The following CRISPLD2 variants were observed in gnomAD, a reference collection of about 807,000 sequenced individuals.
The protein encoded by CRISPLD2 is cysteine rich secretory protein LCCL domain containing 2, also known as cysteine-rich secretory protein LCCL domain-containing 2.
CRISPLD2 carries 47 observed loss-of-function variants against 71.1 expected under a neutral mutation model. The ratio of observed to expected loss-of-function variants is 0.66; its 90% CI spans 0.52 to 0.84. CRISPLD2 has a LOEUF of 0.84. Ranked by LOEUF, CRISPLD2 falls within the 40% of genes least tolerant of loss-of-function variation. The pLI, the probability that CRISPLD2 is intolerant of heterozygous loss-of-function variation, is 0.00. For synonymous variants in CRISPLD2, 317 were observed against 250.1 expected (o/e 1.27, Z -2.52); for missense variants, 830 against 651.1 (o/e 1.27, Z -2.99).
chr16:84,885,255 A>G (rs1053106914), intron 13 of CRISPLD2, among the ~76,000 whole-genome samples: 3 of 146,464 alleles, frequency 2.0e-5, no homozygotes, highest in Non-Finnish European at 4.6e-5. Flanking sequence ...CGCTTACCAA[A>G]CTCGCCCCCG....
chr16:84,839,076 G>A (rs1916704362), intron 2 of CRISPLD2: 3 of 401,334 alleles, frequency 7.5e-6, no homozygotes, highest in Non-Finnish European at 1.4e-5. Flanking sequence ...TGTGGAGATG[G>A]GGGTCTTGCT....
chr16:84,870,074 C>G (rs1365823175), intron 8 of CRISPLD2, among the ~76,000 whole-genome samples: 1 of 152,204 alleles, frequency 6.6e-6, no homozygotes, highest in East Asian at 1.9e-4. Context: ...GAAGCCGGCC[C>G]ACAGTCTGGC....
chr16:84,891,257 C>T (rs2143352140), intron 14 of CRISPLD2, among the ~76,000 whole-genome samples: 1 of 152,358 alleles, frequency 6.6e-6, no homozygotes, highest in Non-Finnish European at 1.5e-5. Flanking sequence ...CCCTGGGCCC[C>T]TGGACGCTCA....
intron 9 of CRISPLD2, 137 bp downstream of exon 9, chr16:84,872,645 G>T (rs988348045): frequency 6.3e-6 from 5 of 790,126 alleles, no homozygotes; most frequent in African/African-American, 5.3e-5. Flanking sequence ...AACTGGGGCG[G>T]GTGTATATTT....
At chr16:84,900,363 C>T (rs567564174) in intron 14 of CRISPLD2, among the ~76,000 whole-genome samples, 5 of 152,246 alleles carry the variant, frequency 3.3e-5, no homozygotes, top group East Asian at 1.9e-4. Flanking sequence ...AATCTGGGGG[C>T]TCTCTTTGTT....
intron 4 of CRISPLD2, among the ~76,000 whole-genome samples, chr16:84,850,243 A>G (rs1917047436): frequency 6.6e-6 from 1 of 152,022 alleles, no homozygotes; most frequent in Admixed American, 6.6e-5. Flanking sequence ...GGTGCCTGCC[A>G]CCACGCCCGG....
At chr16:84,858,297 CT>C (rs1917294826) in intron 6 of CRISPLD2, among the ~76,000 whole-genome samples, 2 of 152,164 alleles carry the variant, frequency 1.3e-5, no homozygotes, top group South Asian at 4.1e-4. Context: ...AACTGGCAGC[CT>C]TTTGGGTCGC....
At chr16:84,874,273 T>C (rs2071500138) in intron 11 of CRISPLD2, among the ~76,000 whole-genome samples, 1 of 152,202 alleles carries the variant, frequency 6.6e-6, no homozygotes, top group South Asian at 2.1e-4. Flanking sequence ...TTTCTGTCGA[T>C]TGGTAATGGC....
rs568216329 is a variant in CRISPLD2 at position 84,880,153 on chromosome 16, A to G, written c.1230-356A>G. ...AAGTCTCTTGATGCTAATCTCCATA[A>G]TGTACCCACAGTGTGAACTAGCCAA... is the stretch of plus-strand genomic sequence containing the variant. On this transcript the variant is annotated intron_variant, in intron 12 of 14. Transcript: ENST00000262424. Among the ~76,000 whole-genome samples, 56 of 152,272 alleles carry G rather than the reference A, an allele frequency of 3.7e-4. 1 individual carries two copies. The highest frequency in any genetic ancestry group is 3.4e-3 in the Middle Eastern group (1 of 294).
At chr16:84,897,942 A>G (rs189603017) in intron 14 of CRISPLD2, among the ~76,000 whole-genome samples, 1 of 152,164 alleles carries the variant, frequency 6.6e-6, no homozygotes, top group South Asian at 2.1e-4. Context: ...AAAAGGGATT[A>G]TGCTATTAGT....
chr16:84,826,175 A>G (rs1313339335), intron 1 of CRISPLD2, among the ~76,000 whole-genome samples: 1 of 152,134 alleles, frequency 6.6e-6, no homozygotes, highest in Non-Finnish European at 1.5e-5. Context: ...GTCAGCGTGG[A>G]GCTGTGTGGA....
chr16:84,873,069 C>A lies in CRISPLD2; in HGVS notation c.1059C>A (p.Asn353Lys). 6.2e-7 allele frequency: 1 copy of A among 1,613,966 alleles called. No individual in the cohort carries two copies. Among genetic ancestry groups the A allele is most frequent in the Middle Eastern group, 1.7e-4 (1 of 6,060 alleles). ...GAGGCCTGGTGGATATCACCAGGAA[C>A]GGGAAGGTCCCCTTCTTCGTGAAGT... Reference protein sequence around the residue: ...DKGGLVDITRNGKVPFFVKSE... With the variant: ...DKGGLVDITRKGKVPFFVKSE... The change falls in exon 10 of 15, where the codon AAC becomes AAA. Residue 353 changes from asparagine (N) to lysine (K), a missense_variant. By Grantham distance (94) the Asn-to-Lys change is moderately conservative (BLOSUM62 0). Coordinates refer to ENST00000262424, the MANE Select transcript of CRISPLD2 (RefSeq NM_031476.4).
At chr16:84,863,628 A>T (rs1434663828) in intron 6 of CRISPLD2, among the ~76,000 whole-genome samples, 3 of 152,212 alleles carry the variant, frequency 2.0e-5, no homozygotes, top group Non-Finnish European at 1.5e-5. Flanking sequence ...CATCTGTGAA[A>T]TGTGGCCAAT....
rs79381516 is a variant in CRISPLD2 at position 84,836,864 on chromosome 16, G to C, written c.-74-1558G>C. Among the ~76,000 whole-genome samples, 1,472 of 152,286 alleles carry C rather than the reference G, an allele frequency of 9.7e-3. 20 individuals carry two copies. Among genetic ancestry groups the C allele is most frequent in the East Asian group, 0.033 (169 of 5,164 alleles). On this transcript the variant is annotated intron_variant, in intron 1 of 14. Transcript: ENST00000262424. ...AACTGAGCCCCGTGGAGTTCCGACG[G>C]GTCAGCCTGAGGCACGGCCACCACC... is the stretch of plus-strand genomic sequence containing the variant.
intron 14 of CRISPLD2, among the ~76,000 whole-genome samples, chr16:84,905,590 C>A (rs528747045): frequency 6.6e-6 from 1 of 152,058 alleles, no homozygotes; most frequent in African/African-American, 2.4e-5. Flanking sequence ...AGGGTTTCAC[C>A]ATGTTGGCCA....
intron 4 of CRISPLD2, 54 bp from the exon 5 acceptor site, chr16:84,850,514 C>T (rs530977189): frequency 3.4e-6 from 5 of 1,476,762 alleles, no homozygotes; most frequent in Middle Eastern, 1.7e-4. Context: ...CAAATGATAT[C>T]ACCCTTTTGT....
intron 6 of CRISPLD2, among the ~76,000 whole-genome samples, chr16:84,865,581 AG>A (rs1486496252): frequency 1.3e-5 from 2 of 152,308 alleles, no homozygotes; most frequent in Non-Finnish European, 2.9e-5. Context: ...TGGAGGCCAC[AG>A]GTTTCCAACT....
chr16:84,850,430 G>T, intron 4 of CRISPLD2, 138 bp from the exon 5 acceptor site: 1 of 685,852 alleles, frequency 1.5e-6, no homozygotes, highest in South Asian at 1.7e-5. Context: ...TCTTCAATGG[G>T]TTAGGGACTA....
At chr16:84,887,698 G>GAA (rs1051065998) in intron 13 of CRISPLD2, among the ~76,000 whole-genome samples, 12 of 152,318 alleles carry the variant, frequency 7.9e-5, no homozygotes, top group Admixed American at 7.8e-4. Flanking sequence ...CCAATATGGA[G>GAA]AAACCGTGTC....
Sources: allele counts gnomAD v4.1 joint callset (sites outside exome capture counted in the v4.1 genomes callset), GRCh38; gene constraint gnomAD v4.1.1; transcripts MANE v1.5; gene names NCBI Gene and HGNC (gene_info 2026-07-23, HGNC 2026-07-21).